TMCC3: variants seen among roughly 807,000 people sequenced by gnomAD.
TMCC3 encodes transmembrane and coiled-coil domain family 3.
In TMCC3, 28 loss-of-function variants were observed where a neutral mutation model predicts 40.2. The observed-to-expected ratio is 0.70, with a 90% CI of 0.52 to 0.95. The LOEUF is 0.95. Ranked by LOEUF, TMCC3 falls within the 40% of genes least tolerant of loss-of-function variation. TMCC3 has a pLI of 0.00. For missense variants in TMCC3, 554 were observed against 615.2 expected (o/e 0.90, Z 1.05); for synonymous variants, 255 against 248.5 (o/e 1.03, Z -0.25).
chr12:94,644,376 A>G, intron 1 of TMCC3: 2 of 985,412 alleles, frequency 2.0e-6, no homozygotes, highest in South Asian at 9.4e-5. Context: ...TCCAAGTAGG[A>G]CTAGGTTGAT....
chr12:94,589,955 A>C (rs2068662277), intron 1 of TMCC3, among the ~76,000 whole-genome samples: 3 of 152,202 alleles, frequency 2.0e-5, no homozygotes. Flanking sequence ...TAACATGGTC[A>C]TCCATTGCAT....
chr12:94,597,157 ATGTATATAAAT>A (rs2068722185), intron 1 of TMCC3, among the ~76,000 whole-genome samples: 33 of 23,840 alleles, frequency 1.4e-3, no homozygotes, highest in South Asian at 3.5e-3. Flanking sequence ...ATATATATAT[ATGTATATAAAT>A]TAGCCAGGCC....
Position 94,582,519 on chromosome 12 carries a change from T to TTCATG in TMCC3, c.93_97dup (p.Asn33ThrfsTer2). 6.2e-7 allele frequency: 1 copy of TTCATG among 1,606,506 alleles called. No homozygotes were observed. The highest frequency in any genetic ancestry group is 8.5e-7 in the Non-Finnish European group (1 of 1,177,174). ...TATGTTCAGGGGCAGGCTTAAGGTA[T>TTCATG]TCATGTCATGACGTTCTACCTGAAA... On this transcript the variant is annotated stop_gained and frameshift_variant, in exon 2 of 4. Coordinates refer to ENST00000261226, the MANE Select transcript of TMCC3 (RefSeq NM_020698.4). LOFTEE classifies it high-confidence loss of function.
At chr12:94,607,847 C>T (rs562855335) in intron 1 of TMCC3, among the ~76,000 whole-genome samples, 1 of 152,346 alleles carries the variant, frequency 6.6e-6, no homozygotes, top group African/African-American at 2.4e-5. Flanking sequence ...TGTTCATGAA[C>T]TGAGAACATT....
chr12:94,577,487 A>G (rs1476982056), intron 3 of TMCC3, among the ~76,000 whole-genome samples: 1 of 152,084 alleles, frequency 6.6e-6, no homozygotes, highest in African/African-American at 2.4e-5. Context: ...TGTGAATGCT[A>G]TTATTTTACA....
In TMCC3 at chr12:94,615,894, T is replaced by C. The variant is rs1407921517; in HGVS notation, c.79-33356A>G. ...ACAATACATATTTACACACTCTGGC[T>C]GAAACGGAAGAGTTGTGAAGAGACT... On this transcript the variant is annotated intron_variant, in intron 1 of 3. Coordinates refer to ENST00000261226, the MANE Select transcript of TMCC3 (RefSeq NM_020698.4). The C allele has an allele frequency of 4.1e-6, 4 of 982,362 alleles. No homozygotes were observed. The African/African-American group carries it at 7.0e-5, about 17-fold the overall frequency. The allele number at this position is 982,362 out of a possible 1,614,324, so 60.9% of individuals were successfully genotyped here.
chr12:94,624,175 T>C (rs537734164), intron 1 of TMCC3, among the ~76,000 whole-genome samples: 2 of 152,194 alleles, frequency 1.3e-5, no homozygotes, highest in African/African-American at 4.8e-5. Context: ...CCTCATACAC[T>C]GGTAGTGGGA....
intron 1 of TMCC3, among the ~76,000 whole-genome samples, chr12:94,602,732 A>C (rs1037562066): frequency 2.6e-4 from 40 of 152,198 alleles, no homozygotes; most frequent in African/African-American, 9.6e-4. Context: ...AGGCTACAGG[A>C]GTGCACCATC....
chr12:94,609,721 G>A (rs1236196033), intron 1 of TMCC3: 1 of 152,058 alleles, frequency 6.6e-6, no homozygotes, highest in Non-Finnish European at 1.5e-5. Context: ...CAGAGGGCAG[G>A]GCTAATTCAA....
intron 1 of TMCC3, among the ~76,000 whole-genome samples, chr12:94,645,203 A>G (rs2069011544): frequency 6.6e-6 from 1 of 152,222 alleles, no homozygotes; most frequent in Non-Finnish European, 1.5e-5. Flanking sequence ...CAAAGTGCCA[A>G]TGTCTATAGT....
At chr12:94,591,094 CGTGCTG>C in intron 1 of TMCC3, 2 of 484,812 alleles carry the variant, frequency 4.1e-6, no homozygotes, top group South Asian at 3.3e-5. Context: ...GGGAGATGGT[CGTGCTG>C]GTTGCCCCTC....
chr12:94,618,297 C>T (rs565525794), intron 1 of TMCC3, among the ~76,000 whole-genome samples: 1 of 152,324 alleles, frequency 6.6e-6, no homozygotes, highest in East Asian at 1.9e-4. Flanking sequence ...TCCAGCTTAG[C>T]TCCTAAAATA....
At chr12:94,650,013 G>T (rs2069045629) in intron 1 of TMCC3, among the ~76,000 whole-genome samples, 2 of 152,152 alleles carry the variant, frequency 1.3e-5, no homozygotes, top group Admixed American at 6.5e-5. Flanking sequence ...GGCCGCGGGT[G>T]GCCGGGTGGC....
chr12:94,597,334 A>G (rs12372496), intron 1 of TMCC3, among the ~76,000 whole-genome samples: 9,574 of 151,258 alleles, frequency 0.063, 543 homozygotes, highest in Admixed American at 0.18. Context: ...AAAAGAAAAA[A>G]AAATTAAGAT....
chr12:94,594,937 A>G (rs992213689), intron 1 of TMCC3, among the ~76,000 whole-genome samples: 4 of 152,196 alleles, frequency 2.6e-5, no homozygotes, highest in African/African-American at 9.7e-5. Flanking sequence ...CTATCAGGCC[A>G]TGCTGTGTTC....
At position 94,582,430 on chromosome 12, in the gene TMCC3, T is replaced by C; in HGVS notation, c.187A>G (p.Lys63Glu). ...DVPDGILDFHKVKLTADSLKQ... is the reference protein window; with the variant it reads ...DVPDGILDFHEVKLTADSLKQ... ...AGGCTGTCTGCAGTGAGTTTGACCTTGTGGAAGTCCAGGATGCCATCCGGG... is the reference window on the plus strand; with the variant it reads ...AGGCTGTCTGCAGTGAGTTTGACCTCGTGGAAGTCCAGGATGCCATCCGGG... The change falls in exon 2 of 4, where the codon AAG becomes GAG. Residue 63 changes from lysine (K) to glutamate (E), a missense_variant. By Grantham distance (56) the Lys-to-Glu change is moderately conservative. Transcript: ENST00000261226. 2.5e-6 allele frequency: 4 copies of C among 1,613,972 alleles called. No individual in the cohort carries two copies. The highest frequency in any genetic ancestry group is 3.4e-6 in the Non-Finnish European group (4 of 1,180,020).
intron 1 of TMCC3, among the ~76,000 whole-genome samples, chr12:94,601,378 G>C (rs61936683): frequency 0.23 from 35,290 of 151,970 alleles, 4,363 homozygotes; most frequent in Non-Finnish European, 0.26. Context: ...AGCTGGGCAT[G>C]ATGGTAGATG....
intron 1 of TMCC3, among the ~76,000 whole-genome samples, chr12:94,600,080 G>A (rs975979148): frequency 1.3e-5 from 2 of 152,074 alleles, no homozygotes; most frequent in African/African-American, 4.8e-5. Flanking sequence ...GAAAATGAAT[G>A]AATATGAATT....
intron 1 of TMCC3, among the ~76,000 whole-genome samples, chr12:94,605,926 C>T (rs2068780051): frequency 6.6e-6 from 1 of 152,114 alleles, no homozygotes; most frequent in Admixed American, 6.5e-5. Flanking sequence ...ACCACGGTTA[C>T]ACCAATCTAC....
Sources: allele counts gnomAD v4.1 joint callset (sites outside exome capture counted in the v4.1 genomes callset), GRCh38; gene constraint gnomAD v4.1.1; transcripts MANE v1.5; gene names NCBI Gene and HGNC (gene_info 2026-07-23, HGNC 2026-07-21).